SF3A1: variants seen among roughly 807,000 people sequenced by gnomAD.
The protein encoded by SF3A1 is SAP 114.
A neutral mutation model predicts 89.9 loss-of-function variants in SF3A1; 13 were observed. The ratio of observed to expected loss-of-function variants is 0.14; its 90% CI spans 0.09 to 0.23. The LOEUF (loss-of-function observed/expected upper bound fraction) is 0.23. SF3A1 is among the 10% of genes least tolerant of loss of function. SF3A1 has a pLI of 1.00. For synonymous variants in SF3A1, 405 were observed against 374.4 expected (o/e 1.08, Z -0.94); for missense variants, 604 against 1,022.1 (o/e 0.59, Z 5.58).
chr22:30,337,706 G>T lies in SF3A1; in HGVS notation c.1935C>A (p.Pro645=). ...GATACTGACCTGTTGGCACAATCAT[G>T]GGGGGTGGGCGGGGGGCCATAATAG... ...APPIMAPRPP[P]MIVPTAFVPA... The change falls in exon 12 of 16, where the codon CCC becomes CCA. Residue 645 remains proline, a synonymous_variant. Transcript: ENST00000215793. The T allele has an allele frequency of 5.1e-6, 3 of 585,924 alleles. No homozygotes were observed. Among genetic ancestry groups the T allele is most frequent in the East Asian group, 1.2e-4 (2 of 16,968 alleles). The allele number at this position is 585,924 out of a possible 1,614,324, so 36.3% of individuals were successfully genotyped here.
intron 2 of SF3A1, among the ~76,000 whole-genome samples, chr22:30,352,042 G>C (rs905600606): frequency 3.3e-5 from 5 of 151,954 alleles, no homozygotes; most frequent in Non-Finnish European, 5.9e-5. Flanking sequence ...CTGAGGTGGC[G>C]GCTAGCACCT....
chr22:30,355,424 AC>A (rs1218846702), intron 1 of SF3A1, among the ~76,000 whole-genome samples: 2 of 151,988 alleles, frequency 1.3e-5, no homozygotes, highest in Non-Finnish European at 2.9e-5. Context: ...GAGCCTGCCT[AC>A]CCCCTCTGCC....
chr22:30,340,183 AC>A lies in SF3A1; in HGVS notation c.1375+12del, dbSNP rs1454487597. 2 of 1,494,572 alleles carry A rather than the reference AC, an allele frequency of 1.3e-6. No individual in the cohort carries two copies. Among genetic ancestry groups the A allele is most frequent in the East Asian group, 2.4e-5 (1 of 40,908 alleles). The allele number at this position is 1,494,572 out of a possible 1,614,324, so 92.6% of individuals were successfully genotyped here. A position where few individuals can be genotyped will look rare whatever the true frequency, so the allele number is the denominator to read the frequency against. Reference sequence around the variant, plus strand: ...GGAGACTACCATGGGCTCTCCTGGAACCCCCACCTCACCTGGTGCGTACACC... The same window carrying A: ...GGAGACTACCATGGGCTCTCCTGGAACCCCACCTCACCTGGTGCGTACACC... On this transcript the variant is annotated intron_variant, in intron 9 of 15. Coordinates refer to ENST00000215793, the MANE Select transcript of SF3A1 (RefSeq NM_005877.6).
rs756563884 is a variant in SF3A1, at chr22:30,353,085, G to A, written c.64-13C>T. ...CTTCTTCTGTGGGCTGTGCAAACAGGAAAAGAAATAAGGTTTTAAAGTCCC... is the reference window on the plus strand; with the variant it reads ...CTTCTTCTGTGGGCTGTGCAAACAGAAAAAGAAATAAGGTTTTAAAGTCCC... On this transcript the variant is annotated splice_polypyrimidine_tract_variant and intron_variant, in intron 1 of 15. Coordinates refer to ENST00000215793, the MANE Select transcript of SF3A1 (RefSeq NM_005877.6). The A allele has an allele frequency of 5.6e-6, 9 of 1,613,440 alleles. No individual in the cohort carries two copies. The highest frequency in any genetic ancestry group is 7.6e-6 in the Non-Finnish European group (9 of 1,179,738).
rs1257885572 is a variant in SF3A1, at chr22:30,346,328, T to G, written c.377A>C (p.Gln126Pro). The G allele has an allele frequency of 6.2e-7, 1 of 1,612,738 alleles. No individual in the cohort carries two copies. The highest frequency in any genetic ancestry group is 1.3e-5 in the African/African-American group (1 of 75,008). The change falls in exon 3 of 16, where the codon CAG (glutamine) becomes CCG (proline). Residue 126 changes from glutamine (Q) to proline (P), a missense_variant. Gln to Pro is a moderately conservative substitution (Grantham distance 76). This residue lies in a region of SF3A1 where 162 missense variants were observed against 229.2 expected (regional missense o/e 0.71). Coordinates refer to ENST00000215793, the MANE Select transcript of SF3A1 (RefSeq NM_005877.6). The part of the protein sequence containing the change: ...VMQQQQQTTQ[Q>P]QLPQKVQAQV... ...GCTCCAAACCTTCTGGGGCAGCTGC[T>G]GCTGGGTGGTCTGCTGCTGCTGCTG... is the stretch of plus-strand genomic sequence containing the variant.
chr22:30,339,004 C>A lies in SF3A1; in HGVS notation c.1528G>T (p.Ala510Ser). Residue 510 changes from alanine (A) to serine (S), a missense_variant, in exon 11 of 16, where the codon GCC becomes TCC. Ala to Ser is a moderately conservative substitution (Grantham distance 99). Transcript: ENST00000215793. ...GCCTGGGCAGCCTGCTGGGTCCGGGCCATGCTGCCTGAGTGGCCATCCCAG... is the reference window on the plus strand; with the variant it reads ...GCCTGGGCAGCCTGCTGGGTCCGGGACATGCTGCCTGAGTGGCCATCCCAG... The part of the protein sequence containing the change: ...VTWDGHSGSM[A>S]RTQQAAQANI... The A allele has an allele frequency of 6.2e-7, 1 of 1,614,142 alleles. No individual in the cohort carries two copies. Among genetic ancestry groups the A allele is most frequent in the Non-Finnish European group, 8.5e-7 (1 of 1,180,030 alleles).
chr22:30,338,678 C>A, intron 11 of SF3A1, 111 bp downstream of exon 11: 1 of 1,358,748 alleles, frequency 7.4e-7, no homozygotes, highest in Non-Finnish European at 1.0e-6. Context: ...TCAAACTGAC[C>A]CACCCAACAC....
intron 2 of SF3A1, among the ~76,000 whole-genome samples, chr22:30,351,639 C>G (rs1931598382): frequency 1.3e-5 from 2 of 152,128 alleles, no homozygotes; most frequent in Non-Finnish European, 1.5e-5. Flanking sequence ...TAGCTGGGAT[C>G]ACAGGCCCAT....
chr22:30,351,016 A>G (rs1401182031), intron 2 of SF3A1, among the ~76,000 whole-genome samples: 1 of 152,244 alleles, frequency 6.6e-6, no homozygotes, highest in Non-Finnish European at 1.5e-5. Flanking sequence ...GTCTAACCAA[A>G]GTAGGCTGGT....
intron 2 of SF3A1, among the ~76,000 whole-genome samples, chr22:30,349,190 CAGG>C: frequency 6.6e-6 from 1 of 152,344 alleles, no homozygotes; most frequent in East Asian, 1.9e-4. Flanking sequence ...TACGTGAACC[CAGG>C]AGAAGTGAAG....
chr22:30,336,333 C>T (rs1207400373), intron 13 of SF3A1, among the ~76,000 whole-genome samples: 1 of 152,160 alleles, frequency 6.6e-6, no homozygotes, highest in Non-Finnish European at 1.5e-5. Context: ...GCCTGGCCAA[C>T]GTGGCGAAAC....
rs564472134 is a variant in SF3A1 at position 30,337,759 on chromosome 22, C to T, written c.1882G>A (p.Val628Met). 4 of 1,584,232 alleles carry T rather than the reference C, an allele frequency of 2.5e-6. No individual in the cohort carries two copies. The highest frequency in any genetic ancestry group is 3.8e-5 in the Admixed American group (2 of 53,266). Residue 628 changes from valine to methionine, a missense_variant, in exon 12 of 16, where the codon GTG (valine) becomes ATG (methionine). Coordinates refer to ENST00000215793, the MANE Select transcript of SF3A1 (RefSeq NM_005877.6). ...GGGGCCGAGGGAGGCATGGGCACCA[C>T]GTTGATTCTGGGCGCGTGGATGATG... ...PPIIHAPRINVVPMPPSAPPI... is the reference protein window; with the variant it reads ...PPIIHAPRINMVPMPPSAPPI...
chr22:30,354,108 A>G (rs539011939), intron 1 of SF3A1, among the ~76,000 whole-genome samples: 1 of 152,298 alleles, frequency 6.6e-6, no homozygotes, highest in East Asian at 1.9e-4. Flanking sequence ...TAACGATCCC[A>G]TAAGTACCAA....
chr22:30,340,280 T>C lies in SF3A1; in HGVS notation c.1291A>G (p.Ile431Val). The change falls in exon 9 of 16, where the codon ATT becomes GTT. Residue 431 changes from isoleucine (I) to valine (V), a missense_variant. Coordinates refer to ENST00000215793, the MANE Select transcript of SF3A1 (RefSeq NM_005877.6). ...PASKMQEHMR[I>V]GLLDPRWLEQ... ...AGCCAGCGAGGGTCAAGAAGTCCAA[T>C]GCGCATGTGTTCCTGCATTTTGCTG... The C allele has an allele frequency of 6.2e-7, 1 of 1,613,318 alleles. No homozygotes were observed.
chr22:30,340,414 T>C (rs1402155087), intron 8 of SF3A1, 33 bp from the exon 9 acceptor site: 1 of 1,604,238 alleles, frequency 6.2e-7, no homozygotes, highest in Non-Finnish European at 8.5e-7. Context: ...GTAAGAACAC[T>C]GGTGGGCAGC....
chr22:30,333,587 T>C lies in SF3A1; in HGVS notation c.*1007A>G, dbSNP rs1311207840. ...TGACGTGTTTTGCACACATTCTCTT[T>C]TCACTTTCACAGTGTGTGACTATGG... On this transcript the variant is annotated 3_prime_UTR_variant, in exon 16 of 16. Coordinates refer to ENST00000215793, the MANE Select transcript of SF3A1 (RefSeq NM_005877.6). The C allele has an allele frequency of 6.6e-6, 1 of 152,248 alleles. No individual in the cohort carries two copies. Among genetic ancestry groups the C allele is most frequent in the East Asian group, 1.9e-4 (1 of 5,200 alleles). 9.4% of individuals were successfully genotyped at this position (152,248 alleles called of 1,614,324 possible).
intron 1 of SF3A1, 123 bp from the exon 2 acceptor site, chr22:30,353,195 G>A: frequency 8.0e-7 from 1 of 1,249,612 alleles, no homozygotes; most frequent in Non-Finnish European, 1.1e-6. Flanking sequence ...CCTCAGGTTA[G>A]AACCCTCTAC....
At position 30,345,909 on chromosome 22, in the gene SF3A1, G is replaced by A. The variant is rs985812246; in HGVS notation, c.393+403C>T. Among the ~76,000 whole-genome samples the A allele has an allele frequency of 2.6e-5, 4 of 152,258 alleles. No individual in the cohort carries two copies. In the South Asian group the frequency reaches 6.2e-4, roughly 24 times the overall value. On this transcript the variant is annotated intron_variant, in intron 3 of 15. Coordinates refer to ENST00000215793, the MANE Select transcript of SF3A1 (RefSeq NM_005877.6). ...CCTGGGAAGAAGAGATAGAAGGGAA[G>A]GGATGGCACAAGGAGGAGCCCACAG...
intron 1 of SF3A1, among the ~76,000 whole-genome samples, chr22:30,356,101 G>C (rs559585830): frequency 6.6e-6 from 1 of 152,150 alleles, no homozygotes; most frequent in Non-Finnish European, 1.5e-5. Context: ...CGAGATTGGA[G>C]AGCTTTATTA....
Sources: gnomAD v4.1 joint callset for allele counts (sites outside exome capture counted in the v4.1 genomes callset) on GRCh38, gnomAD v4.1.1 for gene constraint, gnomAD v4.1.1 regional missense constraint, MANE v1.5 for transcripts, NCBI Gene and HGNC (gene_info 2026-07-23, HGNC 2026-07-21) for gene names.